The following PDE1C variants were observed in gnomAD, a reference collection of about 807,000 sequenced individuals.
PDE1C encodes the protein phosphodiesterase 1C, also known as dual specificity calcium/calmodulin-dependent 3',5'-cyclic nucleotide phosphodiesterase 1C.
In PDE1C, 62 loss-of-function variants were observed where a neutral mutation model predicts 93.1. The observed-to-expected ratio is 0.67, with a 90% CI of 0.54 to 0.82. PDE1C has a LOEUF of 0.82. Among genes scored for constraint, PDE1C ranks in the 40% least tolerant of loss-of-function variants. The pLI is 0.00. For missense variants in PDE1C, 742 were observed against 884.6 expected (o/e 0.84, Z 2.04); for synonymous variants, 325 against 310.1 (o/e 1.05, Z -0.50).
the PDE1C span, among the ~76,000 whole-genome samples, chr7:31,739,200 GACACACAC>G: frequency 3.6e-4 from 52 of 143,162 alleles, 1 homozygote; most frequent in African/African-American, 5.2e-4. Flanking sequence ...GTAACTTTTA[GACACACAC>G]ACACACACAC....
the PDE1C span, among the ~76,000 whole-genome samples, chr7:31,645,575 G>T: frequency 1.3e-5 from 2 of 151,726 alleles, no homozygotes; most frequent in African/African-American, 4.9e-5. Flanking sequence ...TAACAGTAGG[G>T]TCGTCATCAC....
chr7:32,192,535 T>C (rs1434767918), intron 2 of PDE1C, among the ~76,000 whole-genome samples: 1 of 152,160 alleles, frequency 6.6e-6, no homozygotes, highest in African/African-American at 2.4e-5. Context: ...TTCTATTCTA[T>C]TCTATTAATT....
chr7:31,660,260 A>G, the PDE1C span, among the ~76,000 whole-genome samples: 3 of 152,166 alleles, frequency 2.0e-5, no homozygotes, highest in African/African-American at 7.2e-5. Flanking sequence ...TCACTTTTCT[A>G]TAAATGCTTA....
intron 16 of PDE1C, among the ~76,000 whole-genome samples, chr7:31,796,159 GT>G (rs970327843): frequency 1.3e-5 from 2 of 149,538 alleles, no homozygotes; most frequent in African/African-American, 2.4e-5. Context: ...ATGTAATATA[GT>G]TTATCATAGA....
chr7:31,973,359 G>A (rs1323405891), intron 2 of PDE1C, among the ~76,000 whole-genome samples: 2 of 152,186 alleles, frequency 1.3e-5, no homozygotes, highest in East Asian at 1.9e-4. Flanking sequence ...AAGAAGCTAC[G>A]AGAATACCAA....
the PDE1C span, among the ~76,000 whole-genome samples, chr7:31,654,177 C>T: frequency 6.6e-6 from 1 of 152,066 alleles, no homozygotes; most frequent in African/African-American, 2.4e-5. Flanking sequence ...ATCAGGGTGC[C>T]TGTGGAAGGC....
chr7:32,036,475 A>T (rs2128648044), intron 2 of PDE1C, among the ~76,000 whole-genome samples: 1 of 152,332 alleles, frequency 6.6e-6, no homozygotes, highest in Non-Finnish European at 1.5e-5. Context: ...AATAATAAAC[A>T]AAAAGCAGAG....
At chr7:32,025,285 G>A (rs1027239021) in intron 2 of PDE1C, among the ~76,000 whole-genome samples, 2 of 152,176 alleles carry the variant, frequency 1.3e-5, no homozygotes, top group Non-Finnish European at 2.9e-5. Context: ...CAGTACAAGC[G>A]AGAGGTCCAA....
chr7:32,341,070 G>A (rs947858919), intron 1 of PDE1C, among the ~76,000 whole-genome samples: 3 of 151,044 alleles, frequency 2.0e-5, no homozygotes, highest in African/African-American at 7.3e-5. Context: ...GGGGGATGTT[G>A]ATAGCAGGGT....
At chr7:32,159,318 A>G (rs1276597313) in intron 3 of PDE1C, among the ~76,000 whole-genome samples, 1 of 152,248 alleles carries the variant, frequency 6.6e-6, no homozygotes, top group Non-Finnish European at 1.5e-5. Flanking sequence ...TGCTGTAAAT[A>G]GGAACAAATA....
intron 3 of PDE1C, among the ~76,000 whole-genome samples, chr7:32,083,395 A>G (rs1436666004): frequency 6.6e-6 from 1 of 152,166 alleles, no homozygotes; most frequent in South Asian, 2.1e-4. Flanking sequence ...TGAAAGTGAC[A>G]GGGAGAATGG....
the PDE1C span, among the ~76,000 whole-genome samples, chr7:31,706,804 C>G: frequency 1.3e-5 from 2 of 152,162 alleles, no homozygotes; most frequent in Non-Finnish European, 2.9e-5. Flanking sequence ...ATAATTGTTA[C>G]TGTACTCATG....
chr7:32,226,849 T>C (rs1807314303), intron 1 of PDE1C, among the ~76,000 whole-genome samples: 2 of 152,160 alleles, frequency 1.3e-5, no homozygotes, highest in Admixed American at 6.5e-5. Context: ...CAATGCTAGT[T>C]AGGGCCCCTT....
chr7:32,296,239 A>G (rs1447615961), intron 1 of PDE1C, among the ~76,000 whole-genome samples: 1 of 152,234 alleles, frequency 6.6e-6, no homozygotes, highest in Non-Finnish European at 1.5e-5. Context: ...ATGCCTCTCT[A>G]GCAACTTACT....
At chr7:32,217,511 T>C (rs776187876) in intron 1 of PDE1C, among the ~76,000 whole-genome samples, 2 of 152,190 alleles carry the variant, frequency 1.3e-5, no homozygotes, top group South Asian at 2.1e-4. Flanking sequence ...CTGGGATCTG[T>C]TTCAAGCTTA....
intron 1 of PDE1C, among the ~76,000 whole-genome samples, chr7:32,309,637 T>A (rs899437907): frequency 2.0e-5 from 3 of 152,168 alleles, no homozygotes; most frequent in Non-Finnish European, 4.4e-5. Context: ...GAATTTCATA[T>A]CCAGCCAAAC....
At chr7:32,166,808 G>A (rs991634990) in intron 3 of PDE1C, among the ~76,000 whole-genome samples, 2 of 152,138 alleles carry the variant, frequency 1.3e-5, no homozygotes, top group Non-Finnish European at 1.5e-5. Flanking sequence ...ATGTCTTGAC[G>A]CTGCATTTGA....
At chr7:31,639,322 T>C in the PDE1C span, among the ~76,000 whole-genome samples, 1 of 152,144 alleles carries the variant, frequency 6.6e-6, no homozygotes, top group South Asian at 2.1e-4. Context: ...GATAGCTTCT[T>C]ATGACCATGT....
the PDE1C span, among the ~76,000 whole-genome samples, chr7:31,664,304 T>A: frequency 6.6e-6 from 1 of 152,234 alleles, no homozygotes; most frequent in Middle Eastern, 3.4e-3. Context: ...CAGAGCCAGT[T>A]GAGATTTAAT....
Sources: gnomAD v4.1 joint callset for allele counts (sites outside exome capture counted in the v4.1 genomes callset) on GRCh38, gnomAD v4.1.1 for gene constraint, MANE v1.5 for transcripts, NCBI Gene and HGNC (gene_info 2026-07-23, HGNC 2026-07-21) for gene names.